Variants in LRP1B observed in about 807,000 individuals in gnomAD.
The protein encoded by LRP1B is low-density lipoprotein receptor-related protein 1B.
LRP1B carries 217 observed loss-of-function variants against 556.6 expected under a neutral mutation model. The ratio of observed to expected loss-of-function variants is 0.39; its 90% confidence interval spans 0.35 to 0.44. The LOEUF (loss-of-function observed/expected upper bound fraction) is 0.44, where lower values mean the gene tolerates loss of function less well. LRP1B is among the 20% of genes least tolerant of loss of function. The pLI, the probability that LRP1B is intolerant of heterozygous loss-of-function variation, is 1.00. For synonymous variants in LRP1B, 2,047 were observed against 1,865.8 expected (o/e 1.10, Z -2.50); for missense variants, 5,053 against 5,620.8 (o/e 0.90, Z 3.23).
chr2:141,044,650 C>T (rs1321868349), intron 11 of LRP1B, among the ~76,000 whole-genome samples: 3 of 151,924 alleles, frequency 2.0e-5, no homozygotes, highest in Non-Finnish European at 4.4e-5. Context: ...CATTTATGCA[C>T]CAAAAGACAC....
chr2:140,431,562 C>T (rs1454396581), intron 66 of LRP1B, among the ~76,000 whole-genome samples: 7 of 152,204 alleles, frequency 4.6e-5, no homozygotes, highest in Admixed American at 4.6e-4. Flanking sequence ...GTGCTATCCC[C>T]AAACTGCCAC....
intron 7 of LRP1B, among the ~76,000 whole-genome samples, chr2:141,143,761 C>A (rs978345107): frequency 1.3e-5 from 2 of 152,052 alleles, no homozygotes; most frequent in Admixed American, 6.6e-5. Flanking sequence ...TATCTCCCCC[C>A]AGTCTTCCCA....
At chr2:140,437,321 G>A (rs1686228628) in intron 66 of LRP1B, among the ~76,000 whole-genome samples, 1 of 152,048 alleles carries the variant, frequency 6.6e-6, no homozygotes, top group Admixed American at 6.6e-5. Flanking sequence ...GAGATACTGT[G>A]ATACCATATG....
chr2:140,919,660 A>C (rs2105252478), intron 21 of LRP1B, among the ~76,000 whole-genome samples: 1 of 152,184 alleles, frequency 6.6e-6, no homozygotes, highest in African/African-American at 2.4e-5. Flanking sequence ...GCTTTAGCTC[A>C]GCACACCACT....
At chr2:140,776,610 G>A (rs1293120097) in intron 32 of LRP1B, among the ~76,000 whole-genome samples, 3 of 151,414 alleles carry the variant, frequency 2.0e-5, no homozygotes, top group Non-Finnish European at 4.4e-5. Flanking sequence ...AGTTTTGTAC[G>A]ATACGTATTT....
intron 1 of LRP1B, among the ~76,000 whole-genome samples, chr2:141,874,013 G>A (rs994803637): frequency 2.8e-5 from 4 of 144,972 alleles, no homozygotes; most frequent in African/African-American, 1.0e-4. Flanking sequence ...GAGACAAAAA[G>A]GAATATATAA....
chr2:140,671,027 C>T (rs945970047), intron 41 of LRP1B, among the ~76,000 whole-genome samples: 2 of 152,108 alleles, frequency 1.3e-5, no homozygotes, highest in African/African-American at 4.8e-5. Context: ...GTTAGAATTG[C>T]AAACATTTTA....
Position 141,605,945 on chromosome 2 carries a change from G to A in LRP1B, c.206-125412C>T, listed in dbSNP as rs532846229. Among the ~76,000 whole-genome samples the A allele has an allele frequency of 3.0e-5, 4 of 134,722 alleles. No individual in the cohort carries two copies. In the South Asian group the frequency reaches 6.7e-4, roughly 23 times the overall value. 88.4% of individuals were successfully genotyped at this position (134,722 alleles called of 152,430 possible). On this transcript the variant is annotated intron_variant, in intron 2 of 90. Coordinates refer to ENST00000389484, the MANE Select transcript of LRP1B (RefSeq NM_018557.3). ...AAAGTCCAATTAAGTATGATAAAAT[G>A]CAAAAGAAAAAAAAAAACATTGAGC...
At chr2:141,810,069 T>G (rs1422635417) in intron 2 of LRP1B, among the ~76,000 whole-genome samples, 2 of 117,842 alleles carry the variant, frequency 1.7e-5, no homozygotes, top group African/African-American at 6.6e-5. Flanking sequence ...AAACAAAAGG[T>G]TTCAAGTTTC....
intron 1 of LRP1B, among the ~76,000 whole-genome samples, chr2:142,002,185 C>T (rs1702674608): frequency 6.6e-6 from 1 of 152,088 alleles, no homozygotes; most frequent in African/African-American, 2.4e-5. Context: ...CAAAAGGAGT[C>T]TATCTCGGGA....
chr2:140,460,544 G>A (rs17589714), intron 60 of LRP1B, among the ~76,000 whole-genome samples: 48,635 of 151,964 alleles, frequency 0.32, 8,293 homozygotes, highest in African/African-American at 0.35. Flanking sequence ...CCAGTTGTCT[G>A]TATAAAACTG....
intron 5 of LRP1B, among the ~76,000 whole-genome samples, chr2:141,242,332 C>T (rs924348481): frequency 2.6e-5 from 4 of 152,046 alleles, no homozygotes; most frequent in Non-Finnish European, 5.9e-5. Flanking sequence ...GTTAAATCCC[C>T]CTAGAGTTTT....
chr2:140,894,098 C>CT (rs1693878434), intron 23 of LRP1B, among the ~76,000 whole-genome samples: 1 of 152,152 alleles, frequency 6.6e-6, no homozygotes, highest in African/African-American at 2.4e-5. Flanking sequence ...GAATGGATGA[C>CT]TGGATTTTAA....
At chr2:140,616,688 A>T (rs1006593523) in intron 41 of LRP1B, among the ~76,000 whole-genome samples, 1 of 151,918 alleles carries the variant, frequency 6.6e-6, no homozygotes, top group Admixed American at 6.6e-5. Context: ...TCAGGTATAA[A>T]TTGTTTATTA....
At chr2:140,806,148 C>T (rs968376959) in intron 32 of LRP1B, among the ~76,000 whole-genome samples, 1 of 152,090 alleles carries the variant, frequency 6.6e-6, no homozygotes, top group African/African-American at 2.4e-5. Context: ...TGGGCCCTCA[C>T]CAGAACCCAA....
intron 1 of LRP1B, among the ~76,000 whole-genome samples, chr2:141,830,450 T>C (rs1044064555): frequency 1.7e-4 from 26 of 151,896 alleles, no homozygotes; most frequent in Non-Finnish European, 3.5e-4. Flanking sequence ...TCTCCCCTTC[T>C]CTCAGCATAT....
intron 3 of LRP1B, among the ~76,000 whole-genome samples, chr2:141,388,987 T>C (rs1689947992): frequency 6.6e-6 from 1 of 152,166 alleles, no homozygotes; most frequent in African/African-American, 2.4e-5. Flanking sequence ...ATTGCTAAAA[T>C]GTAAGACCTA....
intron 7 of LRP1B, among the ~76,000 whole-genome samples, chr2:141,180,222 A>G (rs182350554): frequency 2.6e-5 from 4 of 151,906 alleles, no homozygotes; most frequent in East Asian, 1.9e-4. Context: ...CATAACTCCA[A>G]GAGTTCATGT....
At chr2:140,483,460 AAT>A (rs1688321562) in intron 59 of LRP1B, among the ~76,000 whole-genome samples, 1 of 151,500 alleles carries the variant, frequency 6.6e-6, no homozygotes, top group Non-Finnish European at 1.5e-5. Flanking sequence ...GCAAACAGGT[AAT>A]GTTTCTTTCA....
Sources: gnomAD v4.1 joint callset for allele counts (sites outside exome capture counted in the v4.1 genomes callset) on GRCh38, gnomAD v4.1.1 for gene constraint, MANE v1.5 for transcripts, NCBI Gene and HGNC (gene_info 2026-07-23, HGNC 2026-07-21) for gene names.